SLC30A7: variants seen among roughly 807,000 people sequenced by gnomAD.
SLC30A7 encodes solute carrier family 30 member 7.
In SLC30A7, 35 loss-of-function variants were observed where a neutral mutation model predicts 46.0. The ratio of observed to expected loss-of-function variants is 0.76; its 90% CI spans 0.58 to 1.01. The LOEUF (loss-of-function observed/expected upper bound fraction) is 1.01. SLC30A7 is among the 50% of genes least tolerant of loss of function. The pLI is 0.00. For synonymous variants in SLC30A7, 147 were observed against 157.8 expected (o/e 0.93, Z 0.51); for missense variants, 464 against 451.1 (o/e 1.03, Z -0.26).
At chr1:100,982,457 T>G (rs1057333930), downstream of SLC30A7, among the ~76,000 whole-genome samples, 3 of 152,232 alleles carry the variant, frequency 2.0e-5, no homozygotes, top group African/African-American at 7.2e-5. Flanking sequence ...AATTCAAAAT[T>G]GAAGAAAACA....
At chr1:100,941,263 TCCA>T in intron 8 of SLC30A7, 2 of 374,256 alleles carry the variant, frequency 5.3e-6, no homozygotes, top group Non-Finnish European at 1.0e-5. Context: ...TGCCACCATA[TCCA>T]CCACCACCAG....
intron 8 of SLC30A7, 109 bp downstream of exon 8, chr1:100,921,950 C>CTTTTTTT (rs11166531): frequency 7.5e-6 from 3 of 398,624 alleles, no homozygotes; most frequent in African/African-American, 2.9e-5. Flanking sequence ...CCTTTGCTTG[C>CTTTTTTT]TTTTTTTTTT....
chr1:100,990,639 A>G, the SLC30A7 span: 1 of 1,613,486 alleles, frequency 6.2e-7, no homozygotes, highest in South Asian at 1.1e-5. Flanking sequence ...CTGCTATTAA[A>G]AAAAAAAGAT....
chr1:100,940,110 C>G (rs1217459599), intron 8 of SLC30A7, among the ~76,000 whole-genome samples: 1 of 151,754 alleles, frequency 6.6e-6, no homozygotes, highest in Non-Finnish European at 1.5e-5. Flanking sequence ...ATTAGGAGGT[C>G]CAGAGATGGG....
chr1:100,994,052 A>C, the SLC30A7 span, among the ~76,000 whole-genome samples: 1 of 152,096 alleles, frequency 6.6e-6, no homozygotes, highest in Non-Finnish European at 1.5e-5. Context: ...AAAAAAGGCA[A>C]AAATTTTAAT....
chr1:100,947,450 G>A (rs1205573840), intron 8 of SLC30A7, among the ~76,000 whole-genome samples: 2 of 152,180 alleles, frequency 1.3e-5, no homozygotes, highest in Non-Finnish European at 2.9e-5. Flanking sequence ...TTTTACATTT[G>A]CTGAGGAGTG....
At chr1:100,941,426 G>T in intron 8 of SLC30A7, 1 of 413,190 alleles carries the variant, frequency 2.4e-6, no homozygotes, top group Non-Finnish European at 4.7e-6. Flanking sequence ...CTCTTGATTT[G>T]ACACAGCTTC....
chr1:100,970,004 TA>T (rs1472646283), intron 10 of SLC30A7, among the ~76,000 whole-genome samples: 6 of 152,236 alleles, frequency 3.9e-5, no homozygotes, highest in East Asian at 1.9e-4. Flanking sequence ...AATTTAAATT[TA>T]AAAAAAATTT....
intron 4 of SLC30A7, among the ~76,000 whole-genome samples, chr1:100,911,482 A>AT (rs1431626566): frequency 6.6e-6 from 1 of 152,190 alleles, no homozygotes; most frequent in African/African-American, 2.4e-5. Context: ...CATTTGGCGT[A>AT]TTTTTTAAAA....
intron 8 of SLC30A7, among the ~76,000 whole-genome samples, chr1:100,958,968 G>A (rs1655390950): frequency 6.6e-6 from 1 of 152,134 alleles, no homozygotes; most frequent in African/African-American, 2.4e-5. Flanking sequence ...CCCTAAAAGA[G>A]GTGACACTTG....
intron 8 of SLC30A7, among the ~76,000 whole-genome samples, chr1:100,960,191 G>A (rs1655461635): frequency 6.6e-6 from 1 of 151,980 alleles, no homozygotes; most frequent in Non-Finnish European, 1.5e-5. Context: ...CCTTAACATT[G>A]CTCTCACTGT....
Position 100,904,872 on chromosome 1 carries a change from G to C in SLC30A7, c.183-1980G>C, listed in dbSNP as rs182843778. 1.2e-3 allele frequency among the ~76,000 whole-genome samples: 188 copies of C among 152,102 alleles called. 1 individual carries two copies. Among genetic ancestry groups the C allele is most frequent in the Non-Finnish European group, 1.2e-4 (8 of 67,988 alleles). On this transcript the variant is annotated intron_variant, in intron 2 of 10. Coordinates refer to ENST00000357650, the MANE Select transcript of SLC30A7 (RefSeq NM_133496.5). ...TAGATTCTGTAAGCCTCAACCTCAG[G>C]GGTATGATTTTGTCAACATTTTTAC...
the SLC30A7 span, among the ~76,000 whole-genome samples, chr1:100,993,559 A>AATATATATAT: frequency 0.024 from 1,339 of 56,108 alleles, 87 homozygotes; most frequent in South Asian, 0.026. Flanking sequence ...CGAAAATATA[A>AATATATATAT]ATATATATAT....
Position 100,965,123 on chromosome 1 carries a change from A to G in SLC30A7, c.934-646A>G, listed in dbSNP as rs537151103. On this transcript the variant is annotated intron_variant, in intron 9 of 10. Coordinates refer to ENST00000357650, the MANE Select transcript of SLC30A7 (RefSeq NM_133496.5). Reference sequence around the variant, plus strand: ...GGCCCAGCCTTCTGTCTGTTGCAAAATCTCCTCTATGCCATCAAGTTGGTA... The same window carrying G: ...GGCCCAGCCTTCTGTCTGTTGCAAAGTCTCCTCTATGCCATCAAGTTGGTA... Among the ~76,000 whole-genome samples, 92 of 152,216 alleles carry G rather than the reference A, an allele frequency of 6.0e-4. 1 individual carries two copies. The highest frequency in any genetic ancestry group is 2.0e-3 in the African/African-American group (83 of 41,554).
At chr1:100,915,035 C>G (rs1225421562) in intron 6 of SLC30A7, among the ~76,000 whole-genome samples, 2 of 151,986 alleles carry the variant, frequency 1.3e-5, no homozygotes, top group Non-Finnish European at 2.9e-5. Flanking sequence ...AAGTATGCAC[C>G]CATGAAACCA....
chr1:100,948,276 G>T (rs1408924381), intron 8 of SLC30A7, among the ~76,000 whole-genome samples: 2 of 152,142 alleles, frequency 1.3e-5, no homozygotes, highest in Admixed American at 6.5e-5. Flanking sequence ...GTCTGTAAAA[G>T]ATTTTATTTC....
intron 8 of SLC30A7, among the ~76,000 whole-genome samples, chr1:100,933,000 G>A (rs546413550): frequency 4.8e-5 from 7 of 144,750 alleles, no homozygotes; most frequent in African/African-American, 1.0e-4. Context: ...TTTTTGAGAC[G>A]GAGTCTCGCT....
At chr1:100,984,151 G>A (rs541467428), downstream of SLC30A7, among the ~76,000 whole-genome samples, 8 of 152,336 alleles carry the variant, frequency 5.3e-5, no homozygotes, top group Admixed American at 4.6e-4. Context: ...TAAGCCCATA[G>A]GAACTAAAAC....
rs1204708820 is a variant in SLC30A7, at chr1:100,951,480, A to G, written c.843-10348A>G. Among the ~76,000 whole-genome samples the G allele has an allele frequency of 2.0e-5, 3 of 152,206 alleles. No homozygotes were observed. In the East Asian group the frequency reaches 5.8e-4, roughly 29 times the overall value. On this transcript the variant is annotated intron_variant, in intron 8 of 10. Coordinates refer to ENST00000357650, the MANE Select transcript of SLC30A7 (RefSeq NM_133496.5). ...TGTGAAAAAGGAGGCACTACCCTCCAAGTCTCGTAGTTGAAGAAGAATGGA... is the reference window on the plus strand; with the variant it reads ...TGTGAAAAAGGAGGCACTACCCTCCGAGTCTCGTAGTTGAAGAAGAATGGA...
Sources: gnomAD v4.1 joint callset for allele counts (sites outside exome capture counted in the v4.1 genomes callset) on GRCh38, gnomAD v4.1.1 for gene constraint, MANE v1.5 for transcripts, NCBI Gene and HGNC (gene_info 2026-07-23, HGNC 2026-07-21) for gene names.